Variants in FGF9 observed in about 807,000 individuals in gnomAD.
FGF9 encodes fibroblast growth factor 9 (glia-activating factor).
Under a neutral mutation model 19.9 loss-of-function variants are expected in FGF9, and 3 were observed. The observed-to-expected ratio is 0.15, with a 90% CI of 0.07 to 0.39. FGF9 has a LOEUF of 0.39. Ranked by LOEUF, FGF9 falls within the 10% of genes least tolerant of loss-of-function variation. The pLI, the probability that FGF9 is intolerant of heterozygous loss-of-function variation, is 1.00. For synonymous variants in FGF9, 107 were observed against 106.9 expected, an observed-to-expected ratio of 1.00 and a Z score of -0.01; for missense variants, 175 against 256.8, an observed-to-expected ratio of 0.68 and a Z score of 2.18.
At chr13:21,681,573 G>A (rs1872043768) in intron 2 of FGF9, among the ~76,000 whole-genome samples, 2 of 152,242 alleles carry the variant, frequency 1.3e-5, no homozygotes, top group African/African-American at 4.8e-5. Flanking sequence ...ATGCAGAGAA[G>A]AAGGGAGATG....
intron 1 of FGF9, 94 bp from the exon 2 acceptor site, chr13:21,680,948 C>G (rs534570841): frequency 1.1e-6 from 1 of 877,160 alleles, no homozygotes; most frequent in Non-Finnish European, 1.9e-6. Context: ...GGGAGCTGGG[C>G]TTAGTGTCCT....
chr13:21,693,254 A>G lies in FGF9; in HGVS notation c.382-7936A>G, dbSNP rs903996548. 3.9e-5 allele frequency among the ~76,000 whole-genome samples: 6 copies of G among 152,134 alleles called. No individual in the cohort carries two copies. In the South Asian group the frequency reaches 6.2e-4, roughly 16 times the overall value. On this transcript the variant is annotated intron_variant, in intron 2 of 2. Coordinates refer to ENST00000382353, the MANE Select transcript of FGF9 (RefSeq NM_002010.3). ...TCAGCATAAGGGATGAGTTCCCGAG[A>G]AATCGGGGCTGATGTGAGTATAGTG...
chr13:21,692,948 T>C (rs1346227390), intron 2 of FGF9, among the ~76,000 whole-genome samples: 1 of 152,240 alleles, frequency 6.6e-6, no homozygotes, highest in African/African-American at 2.4e-5. Flanking sequence ...TAAACAAATT[T>C]CTTTTATGAG....
chr13:21,697,094 A>T (rs1872426087), intron 2 of FGF9, among the ~76,000 whole-genome samples: 1 of 152,202 alleles, frequency 6.6e-6, no homozygotes, highest in Non-Finnish European at 1.5e-5. Context: ...TGTGTATGAG[A>T]CAATTGGAAT....
At chr13:21,678,144 A>G (rs1165707233) in intron 1 of FGF9, among the ~76,000 whole-genome samples, 3 of 152,220 alleles carry the variant, frequency 2.0e-5, no homozygotes, top group African/African-American at 4.8e-5. Flanking sequence ...TAAACCCTCA[A>G]TAATAGCTTC....
Position 21,701,426 on chromosome 13 carries a change from C to T in FGF9, c.618C>T (p.Ser206=). 1 of 1,613,966 alleles carries T rather than the reference C, an allele frequency of 6.2e-7. No individual in the cohort carries two copies. Among genetic ancestry groups the T allele is most frequent in the Non-Finnish European group, 8.5e-7 (1 of 1,179,950 alleles). ...KVPELYKDIL[S]QS The stretch of plus-strand genomic sequence containing the variant: ...CTGAACTGTATAAGGATATTCTAAG[C>T]CAAAGTTGACAAAGACAGTTTCTTC... Residue 206 remains serine (S), a synonymous_variant, in exon 3 of 3, where the codon AGC becomes AGT. Coordinates refer to ENST00000382353, the MANE Select transcript of FGF9 (RefSeq NM_002010.3).
intron 2 of FGF9, among the ~76,000 whole-genome samples, chr13:21,689,070 A>G (rs1251271157): frequency 6.6e-6 from 1 of 152,182 alleles, no homozygotes. Flanking sequence ...GTGGGTTCCC[A>G]GGAACATGCT....
chr13:21,701,349 C>A lies in FGF9; in HGVS notation c.541C>A (p.His181Asn), dbSNP rs1424759069. ...GAGAGAAGGGACTAGGACTAAACGG[C>A]ACCAGAAATTCACACATTTTTTACC... ...TPREGTRTKR[H>N]QKFTHFLPRP... Residue 181 changes from histidine to asparagine, a missense_variant, in exon 3 of 3, where the codon CAC (histidine) becomes AAC (asparagine). His to Asn is a moderately conservative substitution (Grantham distance 68, BLOSUM62 1). This residue lies in a region of FGF9 where 101 missense variants were observed against 160.7 expected (regional missense o/e 0.63). Coordinates refer to ENST00000382353, the MANE Select transcript of FGF9 (RefSeq NM_002010.3). 2 of 1,613,958 alleles carry A rather than the reference C, an allele frequency of 1.2e-6. No homozygotes were observed.
At position 21,671,568 on chromosome 13, in the gene FGF9, G is replaced by A. The variant is rs997274754; in HGVS notation, c.-345G>A. On this transcript the variant is annotated 5_prime_UTR_variant, in exon 1 of 3. Coordinates refer to ENST00000382353, the MANE Select transcript of FGF9 (RefSeq NM_002010.3). ...ATCTCAAACCAAATGGAGAAACTACGGATTTTTTTTCCTTATTACGGTCGG... is the reference window on the plus strand; with the variant it reads ...ATCTCAAACCAAATGGAGAAACTACAGATTTTTTTTCCTTATTACGGTCGG... 1.0e-5 allele frequency: 5 copies of A among 496,826 alleles called. No homozygotes were observed. Among genetic ancestry groups the A allele is most frequent in the Middle Eastern group, 5.0e-4 (1 of 1,986 alleles). 30.8% of individuals were successfully genotyped at this position (496,826 alleles called of 1,614,324 possible).
chr13:21,673,840 G>T (rs1188082909), intron 1 of FGF9, among the ~76,000 whole-genome samples: 3 of 150,882 alleles, frequency 2.0e-5, no homozygotes, highest in Admixed American at 6.6e-5. Flanking sequence ...GCTCGCGGTC[G>T]GCAGGTGCCC....
rs77047390 is a variant in FGF9, at chr13:21,671,796, T to C, written c.-117T>C. 7 of 1,081,354 alleles carry C rather than the reference T, an allele frequency of 6.5e-6. No individual in the cohort carries two copies. In the African/African-American group the frequency reaches 8.6e-5, roughly 13 times the overall value. 67.0% of individuals were successfully genotyped at this position (1,081,354 alleles called of 1,614,324 possible). On this transcript the variant is annotated 5_prime_UTR_variant, in exon 1 of 3. Coordinates refer to ENST00000382353, the MANE Select transcript of FGF9 (RefSeq NM_002010.3). Reference sequence around the variant, plus strand: ...GGATTGAAGAAAAGAACCTTTTTTTTCTCTCTCTCTCTGCAACTGCAGTAA... The same window carrying C: ...GGATTGAAGAAAAGAACCTTTTTTTCCTCTCTCTCTCTGCAACTGCAGTAA...
chr13:21,692,581 T>C (rs1872317561), intron 2 of FGF9, among the ~76,000 whole-genome samples: 1 of 152,174 alleles, frequency 6.6e-6, no homozygotes. Context: ...GGGCTAACGA[T>C]AGACACTTCA....
At position 21,672,765 on chromosome 13, in the gene FGF9, G is replaced by T. The variant is rs1428305580; in HGVS notation, c.277+576G>T. 1.3e-5 allele frequency among the ~76,000 whole-genome samples: 2 copies of T among 152,190 alleles called. No individual in the cohort carries two copies. The highest frequency in any genetic ancestry group is 2.9e-5 in the Non-Finnish European group (2 of 68,038). On this transcript the variant is annotated intron_variant, in intron 1 of 2. Transcript: ENST00000382353. The surrounding 1 kb of genome is among the most constrained non-coding windows in gnomAD (Gnocchi z 4.2). ...GGACTAAAGTCATATTTTAGGCTCCGTGAAAAGCAGGGGCAGAGGCTTGGG... is the reference window on the plus strand; with the variant it reads ...GGACTAAAGTCATATTTTAGGCTCCTTGAAAAGCAGGGGCAGAGGCTTGGG...
At chr13:21,695,630 C>T (rs1369305393) in intron 2 of FGF9, among the ~76,000 whole-genome samples, 1 of 152,186 alleles carries the variant, frequency 6.6e-6, no homozygotes, top group East Asian at 1.9e-4. Context: ...TATATTTAAT[C>T]ACCCTGATCC....
At chr13:21,699,695 A>G (rs1872493915) in intron 2 of FGF9, among the ~76,000 whole-genome samples, 2 of 152,202 alleles carry the variant, frequency 1.3e-5, no homozygotes, top group Non-Finnish European at 2.9e-5. Context: ...ACATACTTGG[A>G]AAGAGAACTG....
At chr13:21,697,501 C>A (rs542896665) in intron 2 of FGF9, among the ~76,000 whole-genome samples, 3 of 152,178 alleles carry the variant, frequency 2.0e-5, no homozygotes, top group African/African-American at 7.2e-5. Flanking sequence ...TATGTGTGTG[C>A]GTGAACGATG....
Position 21,671,796 on chromosome 13 carries a change from TCTC to T in FGF9, c.-116_-114del. 9.2e-7 allele frequency: 1 copy of T among 1,081,428 alleles called. No individual in the cohort carries two copies. Among genetic ancestry groups the T allele is most frequent in the Non-Finnish European group, 1.4e-6 (1 of 731,006 alleles). 67.0% of individuals were successfully genotyped at this position (1,081,428 alleles called of 1,614,324 possible). A position where few individuals can be genotyped will look rare whatever the true frequency, so the allele number is the denominator to read the frequency against. On this transcript the variant is annotated 5_prime_UTR_variant, in exon 1 of 3. Coordinates refer to ENST00000382353, the MANE Select transcript of FGF9 (RefSeq NM_002010.3). ...GGATTGAAGAAAAGAACCTTTTTTT[TCTC>T]TCTCTCTCTGCAACTGCAGTAAGGG...
In FGF9 at chr13:21,671,571, T is replaced by C. The variant is rs1871767370; in HGVS notation, c.-342T>C. 3 of 494,890 alleles carry C rather than the reference T, an allele frequency of 6.1e-6. No homozygotes were observed. The highest frequency in any genetic ancestry group is 1.9e-5 in the African/African-American group (1 of 51,434). The allele number at this position is 494,890 out of a possible 1,614,324, so 30.7% of individuals were successfully genotyped here. On this transcript the variant is annotated 5_prime_UTR_variant, in exon 1 of 3. Transcript: ENST00000382353. ...TCAAACCAAATGGAGAAACTACGGA[T>C]TTTTTTTCCTTATTACGGTCGGATG...
At chr13:21,673,329 C>T (rs1460999717) in intron 1 of FGF9, among the ~76,000 whole-genome samples, 1 of 152,110 alleles carries the variant, frequency 6.6e-6, no homozygotes, top group Non-Finnish European at 1.5e-5. Flanking sequence ...GTATGTTTAG[C>T]TTCGTGCGGC....
Sources: allele counts gnomAD v4.1 joint callset (sites outside exome capture counted in the v4.1 genomes callset), GRCh38; gene constraint gnomAD v4.1.1; regional missense constraint gnomAD v4.1.1; non-coding constraint Gnocchi (gnomAD v3.1); transcripts MANE v1.5; gene names NCBI Gene and HGNC (gene_info 2026-07-23, HGNC 2026-07-21).